The following LGR5 variants were observed in gnomAD, a reference collection of about 807,000 sequenced individuals.
LGR5 encodes the protein leucine rich repeat containing G protein-coupled receptor 5.
LGR5 carries 54 observed loss-of-function variants against 76.7 expected under a neutral mutation model. The observed-to-expected ratio is 0.70, with a 90% CI of 0.57 to 0.88. The LOEUF (loss-of-function observed/expected upper bound fraction) is 0.88, where lower values mean the gene tolerates loss of function less well. Among genes scored for constraint, LGR5 ranks in the 40% least tolerant of loss-of-function variants. LGR5 has a pLI of 0.00. For synonymous variants in LGR5, 406 were observed against 421.9 expected, an observed-to-expected ratio of 0.96 and a Z score of 0.46; for missense variants, 1,078 against 1,073.3, an observed-to-expected ratio of 1.00 and a Z score of -0.06.
chr12:71,459,712 A>G (rs963356213), intron 1 of LGR5, among the ~76,000 whole-genome samples: 2 of 152,140 alleles, frequency 1.3e-5, no homozygotes, highest in Non-Finnish European at 2.9e-5. Flanking sequence ...GTAGTGGTTA[A>G]GAGCCTTCCT....
intron 2 of LGR5, among the ~76,000 whole-genome samples, chr12:71,510,725 G>T (rs1171699375): frequency 6.6e-6 from 1 of 151,412 alleles, no homozygotes; most frequent in Non-Finnish European, 1.5e-5. Flanking sequence ...CACAAACATG[G>T]TATAGATAAG....
intron 1 of LGR5, among the ~76,000 whole-genome samples, chr12:71,475,441 C>T (rs1276391830): frequency 2.0e-5 from 3 of 152,152 alleles, no homozygotes; most frequent in Non-Finnish European, 2.9e-5. Flanking sequence ...GTCTGAACTT[C>T]TCAACGTGAC....
intron 4 of LGR5, among the ~76,000 whole-genome samples, chr12:71,538,644 G>A (rs575445755): frequency 1.3e-5 from 2 of 152,128 alleles, no homozygotes; most frequent in Non-Finnish European, 2.9e-5. Flanking sequence ...TTTCAAACCT[G>A]AAATTACAAG....
At chr12:71,583,469 A>G in intron 17 of LGR5, 178 bp from the exon 18 acceptor site, 4 of 681,406 alleles carry the variant, frequency 5.9e-6, no homozygotes, top group Non-Finnish European at 1.0e-5. Flanking sequence ...CCAGTGCTGC[A>G]GAAGATCCAG....
At chr12:71,463,309 C>A (rs1008013429) in intron 1 of LGR5, among the ~76,000 whole-genome samples, 2 of 152,180 alleles carry the variant, frequency 1.3e-5, no homozygotes, top group African/African-American at 4.8e-5. Flanking sequence ...CACAGCTCCA[C>A]AGCTTTAGGA....
At chr12:71,497,813 C>A (rs1592491743) in intron 1 of LGR5, among the ~76,000 whole-genome samples, 2 of 152,194 alleles carry the variant, frequency 1.3e-5, no homozygotes. Context: ...TCGACTGTGG[C>A]AGAGATTAAA....
intron 1 of LGR5, among the ~76,000 whole-genome samples, chr12:71,459,082 G>T (rs1264499640): frequency 6.6e-6 from 1 of 152,088 alleles, no homozygotes; most frequent in Non-Finnish European, 1.5e-5. Context: ...CTAATATATA[G>T]CATGACCTAG....
At chr12:71,451,241 T>C (rs372062008) in intron 1 of LGR5, among the ~76,000 whole-genome samples, 1 of 152,212 alleles carries the variant, frequency 6.6e-6, no homozygotes, top group South Asian at 2.1e-4. Context: ...AGAGTTTGAA[T>C]AGTTAGCCAT....
intron 1 of LGR5, among the ~76,000 whole-genome samples, chr12:71,457,002 T>G (rs770897559): frequency 7.2e-5 from 11 of 152,176 alleles, no homozygotes; most frequent in Non-Finnish European, 1.2e-4. Flanking sequence ...TCTCACTTTT[T>G]TTTTAAGACC....
intron 2 of LGR5, among the ~76,000 whole-genome samples, chr12:71,522,466 A>G (rs751454531): frequency 1.3e-5 from 2 of 152,226 alleles, no homozygotes; most frequent in Non-Finnish European, 2.9e-5. Flanking sequence ...TGCCAACACC[A>G]TGCTTAGGCT....
At position 71,545,876 on chromosome 12, in the gene LGR5, G is replaced by A. The variant is rs76830817; in HGVS notation, c.429-7197G>A. Among the ~76,000 whole-genome samples the A allele has an allele frequency of 5.4e-3, 823 of 152,244 alleles. 13 individuals carry two copies. The highest frequency in any genetic ancestry group is 7.1e-3 in the Non-Finnish European group (486 of 68,012). ...CAATAACACCATTTATAAGTGGAAA[G>A]TTTTTTCAGGGAGTATGGAGCAGAT... On this transcript the variant is annotated intron_variant, in intron 4 of 17. Coordinates refer to ENST00000266674, the MANE Select transcript of LGR5 (RefSeq NM_003667.4).
intron 1 of LGR5, among the ~76,000 whole-genome samples, chr12:71,502,511 T>G (rs1555170136): frequency 6.6e-6 from 1 of 152,178 alleles, no homozygotes; most frequent in Non-Finnish European, 1.5e-5. Context: ...TACTTTCCTT[T>G]TTAAGAAAAG....
Position 71,584,429 on chromosome 12 carries a change from G to C in LGR5, c.2419G>C (p.Val807Leu), listed in dbSNP as rs1197841979. Residue 807 changes from valine (V) to leucine (L), a missense_variant, in exon 18 of 18, where the codon GTG (valine) becomes CTG (leucine). By Grantham distance (32) the Val-to-Leu change is conservative. Coordinates refer to ENST00000266674, the MANE Select transcript of LGR5 (RefSeq NM_003667.4). ...TGAAGTAATTAAGTTTATCCTTCTGGTGGTAGTCCCACTTCCTGCATGTCT... is the reference window on the plus strand; with the variant it reads ...TGAAGTAATTAAGTTTATCCTTCTGCTGGTAGTCCCACTTCCTGCATGTCT... ...SPEVIKFILL[V>L]VVPLPACLNP... is the part of the protein sequence containing the mutation. 4 of 1,613,740 alleles carry C rather than the reference G, an allele frequency of 2.5e-6. No individual in the cohort carries two copies. The highest frequency in any genetic ancestry group is 3.4e-6 in the Non-Finnish European group (4 of 1,179,848).
intron 12 of LGR5, among the ~76,000 whole-genome samples, 181 bp downstream of exon 12, chr12:71,571,760 A>G (rs1433660588): frequency 6.6e-6 from 1 of 152,050 alleles, no homozygotes; most frequent in East Asian, 1.9e-4. Flanking sequence ...AGATAATATT[A>G]TTTTTTCATG....
intron 1 of LGR5, among the ~76,000 whole-genome samples, chr12:71,496,684 A>T (rs1175325282): frequency 6.6e-6 from 1 of 152,176 alleles, no homozygotes; most frequent in Non-Finnish European, 1.5e-5. Context: ...AACAATCCAA[A>T]TCTCCATCAA....
intron 4 of LGR5, among the ~76,000 whole-genome samples, chr12:71,551,967 T>C (rs1877505412): frequency 1.3e-5 from 2 of 152,064 alleles, no homozygotes; most frequent in African/African-American, 4.8e-5. Context: ...AGAAAAAGGA[T>C]AGGGCCCCTT....
intron 4 of LGR5, among the ~76,000 whole-genome samples, chr12:71,540,842 A>T (rs1053953733): frequency 1.3e-5 from 2 of 152,200 alleles, no homozygotes; most frequent in Admixed American, 1.3e-4. Flanking sequence ...AGCCAAAAGA[A>T]TAAGATTAAA....
rs1288756961 is a variant in LGR5, at chr12:71,450,586, G to A, written c.212+10294G>A. Among the ~76,000 whole-genome samples the A allele has an allele frequency of 3.3e-5, 5 of 152,132 alleles. No homozygotes were observed. In the East Asian group the frequency reaches 9.6e-4, roughly 29 times the overall value. ...AGCCTTCCAAAGTGCTGGGATTATA[G>A]GCAGTAGCCACCAGGCCCAGCCTCT... On this transcript the variant is annotated intron_variant, in intron 1 of 17. Coordinates refer to ENST00000266674, the MANE Select transcript of LGR5 (RefSeq NM_003667.4).
chr12:71,440,284 C>A lies in LGR5; in HGVS notation c.204C>A (p.Thr68=). 1 of 1,610,798 alleles carries A rather than the reference C, an allele frequency of 6.2e-7. No individual in the cohort carries two copies. Among genetic ancestry groups the A allele is most frequent in the East Asian group, 2.2e-5 (1 of 44,876 alleles). The part of the protein sequence containing the change: ...SELPSNLSVF[T]SYLDLSMNNI... ...TGCCTTCCAACCTCAGCGTCTTCACCTCCTACCTGTAAGTACTTCCCCACG... is the reference window on the plus strand; with the variant it reads ...TGCCTTCCAACCTCAGCGTCTTCACATCCTACCTGTAAGTACTTCCCCACG... The change falls in exon 1 of 18, where the codon ACC becomes ACA. Residue 68 remains threonine, a synonymous_variant. Coordinates refer to ENST00000266674, the MANE Select transcript of LGR5 (RefSeq NM_003667.4). The surrounding 1 kb of genome is among the most constrained non-coding windows in gnomAD (Gnocchi z 5.3).
Sources: allele counts gnomAD v4.1 joint callset (sites outside exome capture counted in the v4.1 genomes callset), GRCh38; gene constraint gnomAD v4.1.1; non-coding constraint Gnocchi (gnomAD v3.1); transcripts MANE v1.5; gene names NCBI Gene and HGNC (gene_info 2026-07-23, HGNC 2026-07-21).